Variants in MYO3B observed in about 807,000 individuals in gnomAD.
MYO3B encodes the protein myosin IIIB.
A neutral mutation model predicts 174.6 loss-of-function variants in MYO3B; 156 were observed. The ratio of observed to expected loss-of-function variants is 0.89; its 90% CI spans 0.78 to 1.02. The LOEUF (loss-of-function observed/expected upper bound fraction) is 1.02, where lower values mean the gene tolerates loss of function less well. Among genes scored for constraint, MYO3B ranks in the 50% least tolerant of loss-of-function variants. MYO3B has a pLI of 0.00. For missense variants in MYO3B, 1,632 were observed against 1,639.4 expected (o/e 1.00, Z 0.08); for synonymous variants, 563 against 569.1 (o/e 0.99, Z 0.15).
At chr2:170,459,432 T>G (rs914196116) in intron 23 of MYO3B, among the ~76,000 whole-genome samples, 13 of 152,136 alleles carry the variant, frequency 8.5e-5, no homozygotes, top group Admixed American at 3.9e-4. Context: ...CCCCACTAGA[T>G]TAGCTAGACA....
chr2:170,405,092 G>A lies in MYO3B; in HGVS notation c.2432-453G>A, dbSNP rs1302430712. On this transcript the variant is annotated intron_variant, in intron 20 of 34. Transcript: ENST00000408978. ...TTTCAACCACAATAGCAAAGATCGT[G>A]TGTTAAAGGAGGAACAAAAAGTTTC... Among the ~76,000 whole-genome samples the A allele has an allele frequency of 2.6e-5, 4 of 152,316 alleles. No homozygotes were observed. The East Asian group carries it at 7.7e-4, about 29-fold the overall frequency.
intron 14 of MYO3B, 146 bp from the exon 15 acceptor site, chr2:170,391,374 A>G: frequency 1.9e-6 from 1 of 531,876 alleles, no homozygotes; most frequent in Non-Finnish European, 3.3e-6. Context: ...TCCTATCACT[A>G]TTCTGTAAGT....
intron 32 of MYO3B, among the ~76,000 whole-genome samples, chr2:170,622,441 C>T (rs1288447353): frequency 6.6e-6 from 1 of 152,104 alleles, no homozygotes; most frequent in African/African-American, 2.4e-5. Flanking sequence ...AAACTTAAAA[C>T]AATACAAAAG....
At chr2:170,181,554 A>G (rs553779120) in intron 1 of MYO3B, among the ~76,000 whole-genome samples, 2 of 152,254 alleles carry the variant, frequency 1.3e-5, no homozygotes, top group South Asian at 4.1e-4. Flanking sequence ...GTGTGGTGTT[A>G]ACTTCAGGTT....
intron 8 of MYO3B, among the ~76,000 whole-genome samples, chr2:170,362,558 C>A (rs78116512): frequency 1.3e-5 from 2 of 152,120 alleles, no homozygotes; most frequent in East Asian, 3.9e-4. Flanking sequence ...GCTCTCCATC[C>A]TACCTTCTTG....
intron 24 of MYO3B, among the ~76,000 whole-genome samples, chr2:170,465,010 G>C (rs2105964032): frequency 6.8e-6 from 1 of 147,888 alleles, no homozygotes; most frequent in South Asian, 2.3e-4. Context: ...GGGACTACAG[G>C]TACGTGCCAC....
At chr2:170,341,972 A>G (rs2093979588) in intron 8 of MYO3B, 2 of 152,228 alleles carry the variant, frequency 1.3e-5, no homozygotes, top group South Asian at 2.1e-4. Context: ...AGTTTAAAAC[A>G]TGGTACCCAC....
chr2:170,488,894 TC>T (rs1398896313), intron 25 of MYO3B, among the ~76,000 whole-genome samples: 1 of 152,196 alleles, frequency 6.6e-6, no homozygotes, highest in Non-Finnish European at 1.5e-5. Flanking sequence ...AATAGAATAT[TC>T]TTTGGATCCC....
chr2:170,316,207 A>G (rs959935349), intron 7 of MYO3B, among the ~76,000 whole-genome samples: 4 of 152,276 alleles, frequency 2.6e-5, no homozygotes, highest in African/African-American at 9.6e-5. Context: ...TTAATGAAGT[A>G]TATGTACATA....
In MYO3B at chr2:170,463,411, A is replaced by G; in HGVS notation, c.2774A>G (p.Asn925Ser). ...ATACGGCATCCGGAAGAAACCACCA[A>G]CATGAAGAGGCAAACTGTGGCTTCT... ...EVIRHPEETTNMKRQTVASYF... is the reference protein window; with the variant it reads ...EVIRHPEETTSMKRQTVASYF... The change falls in exon 24 of 35, where the codon AAC (asparagine) becomes AGC (serine). Residue 925 changes from asparagine to serine, a missense_variant. Transcript: ENST00000408978. The G allele has an allele frequency of 6.2e-7, 1 of 1,614,214 alleles. No homozygotes were observed. Among genetic ancestry groups the G allele is most frequent in the Non-Finnish European group, 8.5e-7 (1 of 1,180,052 alleles).
At chr2:170,507,258 C>G (rs956918663) in intron 28 of MYO3B, among the ~76,000 whole-genome samples, 24 of 152,124 alleles carry the variant, frequency 1.6e-4, no homozygotes, top group Non-Finnish European at 2.9e-5. Flanking sequence ...TCCGCCTACC[C>G]CCCCATCTTC....
intron 7 of MYO3B, among the ~76,000 whole-genome samples, chr2:170,250,252 A>G (rs529782029): frequency 5.9e-5 from 9 of 152,346 alleles, no homozygotes; most frequent in East Asian, 1.9e-4. Flanking sequence ...TATTTATTTC[A>G]TCTTATTCAT....
chr2:170,389,317 T>A (rs1234375651), intron 14 of MYO3B, among the ~76,000 whole-genome samples: 1 of 152,122 alleles, frequency 6.6e-6, no homozygotes, highest in African/African-American at 2.4e-5. Context: ...TTCTGGCAAG[T>A]GGGCATGTAA....
At position 170,382,023 on chromosome 2, in the gene MYO3B, A is replaced by C. The variant is rs767373676; in HGVS notation, c.979A>C (p.Arg327=). 2 of 1,612,180 alleles carry C rather than the reference A, an allele frequency of 1.2e-6. No homozygotes were observed. Among genetic ancestry groups the C allele is most frequent in the Non-Finnish European group, 1.7e-6 (2 of 1,178,586 alleles). ...QNPVAKTRHE[R]MHTRRPYHVE... ...CTCTTGATAAATTTCTAGGCATGAG[A>C]GGATGCATACCAGAAGACCTTATCA... The change falls in exon 10 of 35, where the codon AGG becomes CGG. Residue 327 remains arginine, a synonymous_variant. Coordinates refer to ENST00000408978, the MANE Select transcript of MYO3B (RefSeq NM_138995.5).
chr2:170,337,594 T>A (rs1244790415), intron 8 of MYO3B, among the ~76,000 whole-genome samples: 1 of 152,206 alleles, frequency 6.6e-6, no homozygotes, highest in Non-Finnish European at 1.5e-5. Flanking sequence ...CGCAGTTGAC[T>A]CTTAAACAAT....
chr2:170,249,704 C>A (rs927358845), intron 7 of MYO3B, among the ~76,000 whole-genome samples: 1 of 152,198 alleles, frequency 6.6e-6, no homozygotes, highest in Admixed American at 6.5e-5. Context: ...ACAGATGAAT[C>A]ATGAGGCAGC....
intron 1 of MYO3B, among the ~76,000 whole-genome samples, chr2:170,181,715 T>C (rs1233806441): frequency 1.3e-5 from 2 of 152,196 alleles, no homozygotes; most frequent in Non-Finnish European, 2.9e-5. Context: ...TTCTTTTATG[T>C]TCTGTTAATA....
At chr2:170,501,694 G>A in intron 27 of MYO3B, 91 bp from the exon 28 acceptor site, 3 of 793,292 alleles carry the variant, frequency 3.8e-6, no homozygotes, top group East Asian at 2.6e-5. Context: ...GATGAGACGG[G>A]CAATAGGCTG....
At chr2:170,358,771 A>G (rs1200519070) in intron 8 of MYO3B, among the ~76,000 whole-genome samples, 1 of 152,164 alleles carries the variant, frequency 6.6e-6, no homozygotes, top group Non-Finnish European at 1.5e-5. Flanking sequence ...GGTCTCCAAG[A>G]ATAGGGACGG....
Sources: gnomAD v4.1 joint callset for allele counts (sites outside exome capture counted in the v4.1 genomes callset) on GRCh38, gnomAD v4.1.1 for gene constraint, MANE v1.5 for transcripts, NCBI Gene and HGNC (gene_info 2026-07-23, HGNC 2026-07-21) for gene names.